The following ARSB variants were observed in gnomAD, a reference collection of about 807,000 sequenced individuals.
The protein encoded by ARSB is arylsulfatase B, also known as N-acetylgalactosamine-4-sulfatase.
In ARSB, 41 loss-of-function variants were observed where a neutral mutation model predicts 50.9. The ratio of observed to expected loss-of-function variants is 0.81; its 90% CI spans 0.63 to 1.04. ARSB has a LOEUF of 1.04. ARSB is among the 50% of genes least tolerant of loss of function. ARSB has a pLI of 0.00. For synonymous variants in ARSB, 269 were observed against 284.8 expected, an observed-to-expected ratio of 0.94 and a Z score of 0.56; for missense variants, 672 against 693.3, an observed-to-expected ratio of 0.97 and a Z score of 0.35.
At chr5:78,879,935 TTGAAA>T (rs1380857001) in intron 5 of ARSB, among the ~76,000 whole-genome samples, 1 of 151,702 alleles carries the variant, frequency 6.6e-6, no homozygotes, top group African/African-American at 2.4e-5. Flanking sequence ...AAAACAAGTC[TTGAAA>T]TGTATGATCA....
At chr5:78,802,992 C>T (rs958618542) in intron 6 of ARSB, among the ~76,000 whole-genome samples, 2 of 152,334 alleles carry the variant, frequency 1.3e-5, no homozygotes, top group South Asian at 2.1e-4. Flanking sequence ...AACTCCAGGA[C>T]ATTTTCTCCT....
chr5:78,923,409 CG>C (rs1749914719), intron 4 of ARSB, among the ~76,000 whole-genome samples: 2 of 152,216 alleles, frequency 1.3e-5, no homozygotes, highest in South Asian at 4.1e-4. Context: ...GAGAAACTCA[CG>C]AAAGCCTGCT....
At chr5:78,901,202 G>A (rs1233789306) in intron 4 of ARSB, among the ~76,000 whole-genome samples, 2 of 152,098 alleles carry the variant, frequency 1.3e-5, no homozygotes, top group African/African-American at 4.8e-5. Flanking sequence ...CTTCAGGTCA[G>A]TTTATCAGAA....
chr5:78,856,183 C>T (rs150445540), intron 5 of ARSB, among the ~76,000 whole-genome samples: 45 of 152,188 alleles, frequency 3.0e-4, no homozygotes, highest in African/African-American at 1.0e-3. Flanking sequence ...TATCTTGGCA[C>T]CCTTGTCAAA....
At chr5:78,810,879 A>G (rs1303627733) in intron 6 of ARSB, among the ~76,000 whole-genome samples, 9 of 152,220 alleles carry the variant, frequency 5.9e-5, no homozygotes, top group South Asian at 4.1e-4. Flanking sequence ...TCTTTGACAT[A>G]GTGTTGTTAA....
At chr5:78,981,272 C>T (rs949744736) in intron 1 of ARSB, among the ~76,000 whole-genome samples, 7 of 152,098 alleles carry the variant, frequency 4.6e-5, no homozygotes, top group Non-Finnish European at 8.8e-5. Context: ...CTTGAATTTA[C>T]CAGTAACTAC....
At chr5:78,959,589 G>A (rs1751894217) in intron 3 of ARSB, among the ~76,000 whole-genome samples, 3 of 152,054 alleles carry the variant, frequency 2.0e-5, no homozygotes, top group Admixed American at 2.0e-4. Context: ...CTCTTGAGGG[G>A]TTAAAAATAA....
chr5:78,834,804 G>C (rs947867467), intron 6 of ARSB, among the ~76,000 whole-genome samples: 83 of 151,586 alleles, frequency 5.5e-4, no homozygotes, highest in African/African-American at 2.0e-3. Flanking sequence ...ATACTCAGAA[G>C]TGGGATTGCT....
intron 5 of ARSB, among the ~76,000 whole-genome samples, chr5:78,842,630 A>C (rs1218976763): frequency 6.6e-6 from 1 of 152,224 alleles, no homozygotes; most frequent in Non-Finnish European, 1.5e-5. Flanking sequence ...ATATGTTTTC[A>C]GCATTAAAGA....
In ARSB at chr5:78,778,466, T is replaced by C. The variant is rs1748832020; in HGVS notation, c.*1931A>G. The stretch of plus-strand genomic sequence containing the variant: ...TCTAGTGTCCCATAAAGTATAGAAA[T>C]GGAAATTGCTGACAAGAGAGTACCT... On this transcript the variant is annotated 3_prime_UTR_variant, in exon 8 of 8. Coordinates refer to ENST00000264914, the MANE Select transcript of ARSB (RefSeq NM_000046.5). The C allele has an allele frequency of 6.6e-6, 1 of 152,204 alleles. No homozygotes were observed. Among genetic ancestry groups the C allele is most frequent in the Admixed American group, 6.5e-5 (1 of 15,284 alleles). 9.4% of individuals were successfully genotyped at this position (152,204 alleles called of 1,614,324 possible). A position where few individuals can be genotyped will look rare whatever the true frequency, so the allele number is the denominator to read the frequency against.
chr5:78,869,399 C>T (rs1287419647), intron 5 of ARSB, among the ~76,000 whole-genome samples: 2 of 137,388 alleles, frequency 1.5e-5, no homozygotes, highest in Non-Finnish European at 3.1e-5. Flanking sequence ...CCAAAATTGA[C>T]CACATAGTTG....
At chr5:78,866,589 G>C (rs888506519) in intron 5 of ARSB, among the ~76,000 whole-genome samples, 2 of 152,238 alleles carry the variant, frequency 1.3e-5, no homozygotes, top group Non-Finnish European at 2.9e-5. Flanking sequence ...GGCTAGTGGG[G>C]AGTCAAAAGG....
intron 6 of ARSB, among the ~76,000 whole-genome samples, chr5:78,796,602 C>A (rs967568271): frequency 3.9e-5 from 6 of 152,098 alleles, no homozygotes; most frequent in African/African-American, 1.4e-4. Flanking sequence ...ACTGCAGTGC[C>A]TGGCATAGAG....
chr5:78,884,266 G>T (rs1239893972), intron 5 of ARSB: 2 of 152,022 alleles, frequency 1.3e-5, no homozygotes, highest in East Asian at 3.8e-4. Flanking sequence ...ACAAAAAGTT[G>T]CAAAAATAAG....
At chr5:78,816,679 C>T (rs2112666598) in intron 6 of ARSB, among the ~76,000 whole-genome samples, 1 of 152,318 alleles carries the variant, frequency 6.6e-6, no homozygotes, top group Non-Finnish European at 1.5e-5. Context: ...ATTCTTGTTA[C>T]AGTTGAGAGA....
In ARSB at chr5:78,952,057, G is replaced by T. The variant is rs1751513777; in HGVS notation, c.898+3238C>A. Among the ~76,000 whole-genome samples, 4 of 152,080 alleles carry T rather than the reference G, an allele frequency of 2.6e-5. No homozygotes were observed. In the South Asian group the frequency reaches 6.2e-4, roughly 24 times the overall value. ...GGATTTAACCTAACAAAGCAAAGATGATCCAAGATTAAGATATCTATTAAT... is the reference window on the plus strand; with the variant it reads ...GGATTTAACCTAACAAAGCAAAGATTATCCAAGATTAAGATATCTATTAAT... On this transcript the variant is annotated intron_variant, in intron 4 of 7. Coordinates refer to ENST00000264914, the MANE Select transcript of ARSB (RefSeq NM_000046.5).
At chr5:78,951,543 A>G (rs1293886130) in intron 4 of ARSB, among the ~76,000 whole-genome samples, 1 of 152,206 alleles carries the variant, frequency 6.6e-6, no homozygotes, top group Admixed American at 6.5e-5. Flanking sequence ...GAAAAGCTGA[A>G]TCAGGGATTC....
intron 5 of ARSB, among the ~76,000 whole-genome samples, chr5:78,879,698 G>A (rs954006851): frequency 6.6e-6 from 1 of 152,194 alleles, no homozygotes; most frequent in Admixed American, 6.5e-5. Flanking sequence ...TGTTTTTGCT[G>A]CTTTGGAAAA....
intron 6 of ARSB, among the ~76,000 whole-genome samples, chr5:78,806,551 C>T (rs1329140010): frequency 1.3e-5 from 2 of 152,208 alleles, no homozygotes; most frequent in East Asian, 3.8e-4. Flanking sequence ...ATTTGTAGGT[C>T]TGTGCAGCCA....
Sources: gnomAD v4.1 joint callset for allele counts (sites outside exome capture counted in the v4.1 genomes callset) on GRCh38, gnomAD v4.1.1 for gene constraint, MANE v1.5 for transcripts, NCBI Gene and HGNC (gene_info 2026-07-23, HGNC 2026-07-21) for gene names.